Variants in CDYL2 observed in about 807,000 individuals in gnomAD.
The protein encoded by CDYL2 is chromodomain Y-like protein 2.
Under a neutral mutation model 49.4 loss-of-function variants are expected in CDYL2, and 23 were observed. The observed-to-expected ratio is 0.47, with a 90% confidence interval of 0.34 to 0.66. The LOEUF (loss-of-function observed/expected upper bound fraction) is 0.66. CDYL2 is among the 30% of genes least tolerant of loss of function. The probability of loss-of-function intolerance (pLI) is 0.01; values close to 1 mark genes in which losing one functional copy is unlikely to be tolerated. For missense variants in CDYL2, 678 were observed against 656.4 expected, an observed-to-expected ratio of 1.03 and a Z score of -0.36; for synonymous variants, 360 against 268.8, an observed-to-expected ratio of 1.34 and a Z score of -3.32.
At chr16:80,696,963 T>C (rs1362204099) in intron 1 of CDYL2, among the ~76,000 whole-genome samples, 1 of 152,044 alleles carries the variant, frequency 6.6e-6, no homozygotes, top group African/African-American at 2.4e-5. Flanking sequence ...CATCTGTGAA[T>C]AGCCATTACA....
At chr16:80,652,807 C>T (rs1051967071) in intron 2 of CDYL2, among the ~76,000 whole-genome samples, 1 of 152,202 alleles carries the variant, frequency 6.6e-6, no homozygotes, top group Non-Finnish European at 1.5e-5. Flanking sequence ...ATGAGAAAAA[C>T]ATCAAACAAA....
intron 1 of CDYL2, among the ~76,000 whole-genome samples, chr16:80,709,138 C>T (rs1042543014): frequency 6.6e-6 from 1 of 152,176 alleles, no homozygotes; most frequent in Non-Finnish European, 1.5e-5. Context: ...AATCCCAGCA[C>T]TTTGGGAGGC....
At chr16:80,631,824 C>G (rs1357501542) in intron 3 of CDYL2, among the ~76,000 whole-genome samples, 1 of 152,112 alleles carries the variant, frequency 6.6e-6, no homozygotes, top group Non-Finnish European at 1.5e-5. Context: ...AAATGCAAAC[C>G]AAAGCCACAA....
intron 1 of CDYL2, among the ~76,000 whole-genome samples, chr16:80,786,937 G>A (rs1042248695): frequency 6.6e-6 from 1 of 151,986 alleles, no homozygotes; most frequent in African/African-American, 2.4e-5. Flanking sequence ...GGGGCTAGGG[G>A]AGGGATAACA....
At chr16:80,683,953 A>G (rs1176024190) in intron 2 of CDYL2, among the ~76,000 whole-genome samples, 4 of 152,222 alleles carry the variant, frequency 2.6e-5, no homozygotes, top group Admixed American at 2.0e-4. Flanking sequence ...AGCAGCCTGA[A>G]CAGACTAAGA....
chr16:80,637,234 A>G (rs936221178), intron 2 of CDYL2, among the ~76,000 whole-genome samples: 1 of 152,076 alleles, frequency 6.6e-6, no homozygotes, highest in African/African-American at 2.4e-5. Flanking sequence ...TTAAAAAAAA[A>G]AGGGGGAAAC....
At chr16:80,766,085 G>A (rs1906714500) in intron 1 of CDYL2, among the ~76,000 whole-genome samples, 1 of 151,890 alleles carries the variant, frequency 6.6e-6, no homozygotes, top group Admixed American at 6.6e-5. Flanking sequence ...GGATGAGGAG[G>A]GTGGGGTGGC....
intron 1 of CDYL2, among the ~76,000 whole-genome samples, chr16:80,743,861 A>C (rs1046469081): frequency 4.7e-4 from 72 of 152,142 alleles, no homozygotes; most frequent in Non-Finnish European, 9.4e-4. Flanking sequence ...TGGTGCTGAT[A>C]AAGTGCCTGA....
intron 1 of CDYL2, among the ~76,000 whole-genome samples, chr16:80,694,395 T>C (rs2142491698): frequency 6.6e-6 from 1 of 152,114 alleles, no homozygotes; most frequent in Non-Finnish European, 1.5e-5. Flanking sequence ...TTTGCAGAGG[T>C]ACAAAGAATT....
intron 2 of CDYL2, among the ~76,000 whole-genome samples, chr16:80,660,283 A>C (rs1331740480): frequency 6.6e-6 from 1 of 152,098 alleles, no homozygotes; most frequent in Non-Finnish European, 1.5e-5. Flanking sequence ...TGAAAATAAT[A>C]ATCAATGGTG....
intron 2 of CDYL2, among the ~76,000 whole-genome samples, chr16:80,664,729 A>G (rs997138712): frequency 6.6e-6 from 1 of 152,210 alleles, no homozygotes; most frequent in Non-Finnish European, 1.5e-5. Flanking sequence ...CTAGGTCTCA[A>G]GCCAGGACAA....
At chr16:80,713,258 G>C (rs1904681840) in intron 1 of CDYL2, among the ~76,000 whole-genome samples, 1 of 152,198 alleles carries the variant, frequency 6.6e-6, no homozygotes, top group Non-Finnish European at 1.5e-5. Flanking sequence ...TAAATATGTA[G>C]CTGGATGAAG....
At position 80,620,933 on chromosome 16, in the gene CDYL2, G is replaced by C. The variant is rs748983597; in HGVS notation, c.837C>G (p.Ile279Met). Residue 279 changes from isoleucine (I) to methionine (M), a missense_variant and splice_region_variant, in exon 4 of 7, where the codon ATC becomes ATG. Coordinates refer to ENST00000570137, the MANE Select transcript of CDYL2 (RefSeq NM_152342.4). ...AGAGCGCTCGCCGGACTTCTTTCAT[G>C]ATCTGCCGGCAGAGATGAATTTGCA... is the stretch of plus-strand genomic sequence containing the variant. ...TSDNNALTPE[I>M]MKEVRRALCN... 1 of 1,593,858 alleles carries C rather than the reference G, an allele frequency of 6.3e-7. No individual in the cohort carries two copies.
At chr16:80,605,157 T>C (rs78694510) in intron 6 of CDYL2, among the ~76,000 whole-genome samples, 7,598 of 151,994 alleles carry the variant, frequency 0.05, 602 homozygotes, top group African/African-American at 0.17. Flanking sequence ...ATAATGATCA[T>C]AGTAATCATG....
rs1261651065 is a variant in CDYL2 at position 80,600,409 on chromosome 16, T to G, written c.*3979A>C. ...GTCTGTAAGCATTTCAACCAAAATT[T>G]GCAGAAATAACTAAGCAACACTTAT... On this transcript the variant is annotated 3_prime_UTR_variant, in exon 7 of 7. Coordinates refer to ENST00000570137, the MANE Select transcript of CDYL2 (RefSeq NM_152342.4). The G allele has an allele frequency of 6.6e-6, 1 of 152,208 alleles. No individual in the cohort carries two copies. Among genetic ancestry groups the G allele is most frequent in the Non-Finnish European group, 1.5e-5 (1 of 68,034 alleles). The allele number at this position is 152,208 out of a possible 1,614,324, so 9.4% of individuals were successfully genotyped here.
chr16:80,631,552 G>A (rs1051384980), intron 3 of CDYL2, among the ~76,000 whole-genome samples: 5 of 152,144 alleles, frequency 3.3e-5, no homozygotes, highest in Admixed American at 2.6e-4. Context: ...CAGTAAAACA[G>A]ACTTTATCAA....
intron 1 of CDYL2, among the ~76,000 whole-genome samples, chr16:80,712,029 G>C (rs763076257): frequency 1.3e-5 from 2 of 150,452 alleles, no homozygotes; most frequent in Non-Finnish European, 3.0e-5. Context: ...ATATATATGT[G>C]TGTATATATA....
chr16:80,697,201 A>C (rs746582551), intron 1 of CDYL2, among the ~76,000 whole-genome samples: 2 of 152,204 alleles, frequency 1.3e-5, no homozygotes, highest in African/African-American at 2.4e-5. Context: ...CTAATCCAAC[A>C]ACACATCAAC....
chr16:80,671,219 T>A (rs2142450799), intron 2 of CDYL2, among the ~76,000 whole-genome samples: 1 of 152,310 alleles, frequency 6.6e-6, no homozygotes, highest in Admixed American at 6.5e-5. Context: ...ATGGAGAATG[T>A]CTATCAGCCG....
Sources: gnomAD v4.1 joint callset for allele counts (sites outside exome capture counted in the v4.1 genomes callset) on GRCh38, gnomAD v4.1.1 for gene constraint, MANE v1.5 for transcripts, NCBI Gene and HGNC (gene_info 2026-07-23, HGNC 2026-07-21) for gene names.